Variants in A2ML1 observed in about 807,000 individuals in gnomAD.
A2ML1 encodes the protein alpha-2-macroglobulin-like protein 1.
Under a neutral mutation model 181.9 loss-of-function variants are expected in A2ML1, and 161 were observed. The ratio of observed to expected loss-of-function variants is 0.89; its 90% CI spans 0.78 to 1.01. The LOEUF is 1.01. Among genes scored for constraint, A2ML1 ranks in the 50% least tolerant of loss-of-function variants. A2ML1 has a pLI of 0.00. For missense variants in A2ML1, 1,670 were observed against 1,768.1 expected (o/e 0.94, Z 1.00); for synonymous variants, 663 against 666.8 (o/e 0.99, Z 0.09).
In A2ML1 at chr12:8,860,753, G is replaced by A. The variant is rs772664719; in HGVS notation, c.3265-128G>A. 67 of 794,082 alleles carry A rather than the reference G, an allele frequency of 8.4e-5. No individual in the cohort carries two copies. The South Asian group carries it at 1.1e-3, about 13-fold the overall frequency. 49.2% of individuals were successfully genotyped at this position (794,082 alleles called of 1,614,324 possible). A position where few individuals can be genotyped will look rare whatever the true frequency, so the allele number is the denominator to read the frequency against. ...CTGCAGAAAGCCTGTGGAAAAAAGAGCTTTCTTTTCTTTTTTCTTTTTAAA... is the reference window on the plus strand; with the variant it reads ...CTGCAGAAAGCCTGTGGAAAAAAGAACTTTCTTTTCTTTTTTCTTTTTAAA... On this transcript the variant is annotated intron_variant, in intron 26 of 35. Coordinates refer to ENST00000299698, the MANE Select transcript of A2ML1 (RefSeq NM_144670.6).
chr12:8,837,666 G>A, intron 8 of A2ML1, 100 bp downstream of exon 8: 1 of 1,346,250 alleles, frequency 7.4e-7, no homozygotes, highest in Non-Finnish European at 9.9e-7. Flanking sequence ...CGGATCACGA[G>A]GTCAGGAGTT....
intron 10 of A2ML1, among the ~76,000 whole-genome samples, chr12:8,841,021 A>AGGAAGGAAGGAAGGAAGGAAGGAAGGAC (rs1592119843): frequency 1.6e-5 from 2 of 122,958 alleles, no homozygotes; most frequent in South Asian, 2.9e-4. Context: ...GACGGAAGGA[A>AGGAAGGAAGGAAGGAAGGAAGGAAGGAC]GGAAGGAAGG....
At position 8,863,986 on chromosome 12, in the gene A2ML1, A is replaced by G; in HGVS notation, c.3695A>G (p.Tyr1232Cys). Residue 1232 changes from tyrosine (Y) to cysteine (C), a missense_variant, in exon 29 of 36, where the codon TAT becomes TGT. Coordinates refer to ENST00000299698, the MANE Select transcript of A2ML1 (RefSeq NM_144670.6). ...TGGTTGGCCAAGCAACACAATGCAT[A>G]TGGGGGCTTCTCTTCTACTCAGGTA... The part of the protein sequence containing the change: ...VAWLAKQHNA[Y>C]GGFSSTQDTV... 1 of 1,612,476 alleles carries G rather than the reference A, an allele frequency of 6.2e-7. No homozygotes were observed. The highest frequency in any genetic ancestry group is 1.1e-5 in the South Asian group (1 of 90,934).
chr12:8,851,491 A>G (rs1943887342), intron 18 of A2ML1, among the ~76,000 whole-genome samples: 2 of 151,700 alleles, frequency 1.3e-5, no homozygotes, highest in South Asian at 4.2e-4. Context: ...CTGCAGCCTC[A>G]AACTCCTGGG....
Position 8,823,821 on chromosome 12 carries a change from G to C in A2ML1, c.348G>C (p.Gln116His). The C allele has an allele frequency of 6.2e-7, 1 of 1,614,126 alleles. No homozygotes were observed. Among genetic ancestry groups the C allele is most frequent in the Non-Finnish European group, 8.5e-7 (1 of 1,180,020 alleles). Residue 116 changes from glutamine (Q) to histidine (H), a missense_variant, in exon 3 of 36, where the codon CAG (glutamine) becomes CAC (histidine). Gln to His is a conservative substitution (Grantham distance 24). Coordinates refer to ENST00000299698, the MANE Select transcript of A2ML1 (RefSeq NM_144670.6). ...AGGAGAAGAAAAAGGTTCTAATTCA[G>C]AGGCAGGGGAACGGCACCTTTGTAC... ...SFEEKKKVLI[Q>H]RQGNGTFVQT...
intron 5 of A2ML1, 112 bp from the exon 6 acceptor site, chr12:8,835,394 TC>T (rs1943238578): frequency 7.7e-7 from 1 of 1,303,798 alleles, no homozygotes; most frequent in Admixed American, 1.8e-5. Flanking sequence ...ACCACAGGGG[TC>T]ATGAACAATG....
chr12:8,845,574 G>A (rs528502224), intron 13 of A2ML1, 72 bp downstream of exon 13: 12 of 1,524,756 alleles, frequency 7.9e-6, no homozygotes, highest in Non-Finnish European at 9.9e-6. Context: ...TTGGCCAGGC[G>A]CGGTGGCTCA....
At position 8,854,118 on chromosome 12, in the gene A2ML1, T is replaced by C; in HGVS notation, c.2591-10T>C. ...ATAGGGCTAATGGCTTCCCTTCTTC[T>C]TTCTCTCAGGTCACATTAACTTTAC... On this transcript the variant is annotated splice_polypyrimidine_tract_variant and intron_variant, in intron 20 of 35. Transcript: ENST00000299698. 6.4e-7 allele frequency: 1 copy of C among 1,570,166 alleles called. No homozygotes were observed. Among genetic ancestry groups the C allele is most frequent in the Non-Finnish European group, 8.6e-7 (1 of 1,156,182 alleles).
chr12:8,836,426 G>A (rs957859662), intron 7 of A2ML1, 87 bp downstream of exon 7: 2 of 1,162,354 alleles, frequency 1.7e-6, no homozygotes, highest in Non-Finnish European at 2.5e-6. Context: ...GGGATTATGG[G>A]TGGGCCAAAA....
At chr12:8,865,447 G>A (rs1944393042) in intron 29 of A2ML1, among the ~76,000 whole-genome samples, 2 of 152,160 alleles carry the variant, frequency 1.3e-5, no homozygotes, top group South Asian at 4.1e-4. Flanking sequence ...GCTGAGGCAG[G>A]AGAATCGCTT....
In A2ML1 at chr12:8,853,000, A is replaced by T. The variant is rs1943943684; in HGVS notation, c.2590+664A>T. 6.6e-6 allele frequency among the ~76,000 whole-genome samples: 1 copy of T among 150,532 alleles called. No homozygotes were observed. The highest frequency in any genetic ancestry group is 2.4e-5 in the African/African-American group (1 of 40,964). Reference sequence around the variant, plus strand: ...CGTGAGCCGCTGCGCCTGGCCTTTTATTTTTTTTTAGAGAGACAAGATCTT... The same window carrying T: ...CGTGAGCCGCTGCGCCTGGCCTTTTTTTTTTTTTTAGAGAGACAAGATCTT... On this transcript the variant is annotated intron_variant, in intron 20 of 35. Transcript: ENST00000299698. This position sits in a 1 kb window ranked among gnomAD's most constrained non-coding sequence, Gnocchi z 4.2.
intron 20 of A2ML1, among the ~76,000 whole-genome samples, chr12:8,853,572 G>T (rs1423052241): frequency 1.3e-5 from 2 of 152,180 alleles, no homozygotes; most frequent in Non-Finnish European, 2.9e-5. Context: ...TCGACTAGGA[G>T]AGGATTGATT....
Position 8,858,000 on chromosome 12 carries a change from T to G in A2ML1, c.3162T>G (p.Ile1054Met). 6.2e-7 allele frequency: 1 copy of G among 1,614,206 alleles called. No individual in the cohort carries two copies. The highest frequency in any genetic ancestry group is 8.5e-7 in the Non-Finnish European group (1 of 1,180,048). The change falls in exon 26 of 36, where the codon ATT becomes ATG. Residue 1054 changes from isoleucine (I) to methionine (M), a missense_variant. Coordinates refer to ENST00000299698, the MANE Select transcript of A2ML1 (RefSeq NM_144670.6). The part of the protein sequence containing the change: ...CFGQAQKFIF[I>M]DPKNIQDALK... The stretch of plus-strand genomic sequence containing the variant: ...GCCAAGCTCAGAAATTCATCTTCAT[T>G]GATCCCAAGAACATCCAGGATGCTC...
At chr12:8,842,291 C>T (rs1418400383) in intron 11 of A2ML1, among the ~76,000 whole-genome samples, 3 of 151,410 alleles carry the variant, frequency 2.0e-5, no homozygotes, top group Admixed American at 1.3e-4. Context: ...GATCTCGGCT[C>T]ACTGCAAGCT....
chr12:8,883,932 C>T (rs757584709), intron 7 of A2ML1, among the ~76,000 whole-genome samples: 2 of 149,026 alleles, frequency 1.3e-5, no homozygotes, highest in African/African-American at 5.2e-5. Context: ...ACTACAGGCG[C>T]CCGCCAACAC....
downstream of A2ML1, among the ~76,000 whole-genome samples, chr12:8,879,891 A>G (rs760398096): frequency 6.6e-6 from 1 of 152,358 alleles, no homozygotes; most frequent in South Asian, 2.1e-4. Flanking sequence ...TACTTACAGT[A>G]AATACTGATA....
At chr12:8,842,462 G>T (rs577941260) in intron 11 of A2ML1, among the ~76,000 whole-genome samples, 1 of 151,954 alleles carries the variant, frequency 6.6e-6, no homozygotes, top group Admixed American at 6.6e-5. Flanking sequence ...CTCGTGATCC[G>T]CCCGCCTTGG....
intron 26 of A2ML1, among the ~76,000 whole-genome samples, chr12:8,860,523 G>T (rs1453097037): frequency 6.6e-6 from 1 of 152,180 alleles, no homozygotes; most frequent in Non-Finnish European, 1.5e-5. Context: ...GGAGCTGCAT[G>T]TGAGGAGGCT....
chr12:8,847,492 G>T, intron 14 of A2ML1, 57 bp from the exon 15 acceptor site: 1 of 1,532,884 alleles, frequency 6.5e-7, no homozygotes, highest in Non-Finnish European at 8.8e-7. Context: ...AAATTATGTT[G>T]TTTCCCTTCC....
Sources: gnomAD v4.1 joint callset for allele counts (sites outside exome capture counted in the v4.1 genomes callset) on GRCh38, gnomAD v4.1.1 for gene constraint, Gnocchi (gnomAD v3.1) non-coding constraint, MANE v1.5 for transcripts, NCBI Gene and HGNC (gene_info 2026-07-23, HGNC 2026-07-21) for gene names.